Variants in SHISAL1 observed in about 807,000 individuals in gnomAD.
SHISAL1 encodes protein shisa-like-1.
A neutral mutation model predicts 22.6 loss-of-function variants in SHISAL1; 9 were observed. The ratio of observed to expected loss-of-function variants is 0.40; its 90% CI spans 0.24 to 0.70. The LOEUF (loss-of-function observed/expected upper bound fraction) is 0.70. Among genes scored for constraint, SHISAL1 ranks in the 30% least tolerant of loss-of-function variants. The probability of loss-of-function intolerance (pLI) is 0.39; values close to 1 mark genes in which losing one functional copy is unlikely to be tolerated. For missense variants in SHISAL1, 246 were observed against 270.6 expected (o/e 0.91, Z 0.64); for synonymous variants, 119 against 115.4 (o/e 1.03, Z -0.20).
At chr22:44,303,990 C>A (rs889134937) in intron 1 of SHISAL1, among the ~76,000 whole-genome samples, 6 of 152,222 alleles carry the variant, frequency 3.9e-5, no homozygotes, top group African/African-American at 1.4e-4. Flanking sequence ...GTGCAGGGAT[C>A]TGCTGCCAGA....
chr22:44,318,289 G>A, the SHISAL1 span, among the ~76,000 whole-genome samples: 1 of 152,396 alleles, frequency 6.6e-6, no homozygotes, highest in East Asian at 1.9e-4. Flanking sequence ...TGGTATTATG[G>A]AAGTCTAATT....
intron 3 of SHISAL1, among the ~76,000 whole-genome samples, chr22:44,291,645 G>A (rs2055353187): frequency 6.6e-6 from 1 of 152,144 alleles, no homozygotes; most frequent in Non-Finnish European, 1.5e-5. Flanking sequence ...GCCTTTGGGT[G>A]CACTGTTCTG....
chr22:44,314,508 C>G (rs1770862437), upstream of SHISAL1, among the ~76,000 whole-genome samples: 1 of 152,140 alleles, frequency 6.6e-6, no homozygotes, highest in Non-Finnish European at 1.5e-5. Context: ...TCCTTGCGAT[C>G]CACCCTACGA....
Position 44,277,984 on chromosome 22 carries a change from G to A in SHISAL1, c.599+7444C>T, listed in dbSNP as rs2055251732. ...GTCACTTGGTTCCCACACTGGCAGT[G>A]TCCTTGTGATGGTTAATACTGAGTG... On this transcript the variant is annotated intron_variant, in intron 4 of 4. Coordinates refer to ENST00000381176, the MANE Select transcript of SHISAL1 (RefSeq NM_001099294.2). 2.6e-5 allele frequency among the ~76,000 whole-genome samples: 4 copies of A among 152,232 alleles called. No individual in the cohort carries two copies. In the South Asian group the frequency reaches 8.3e-4, roughly 32 times the overall value.
intron 1 of SHISAL1, among the ~76,000 whole-genome samples, chr22:44,302,381 A>G (rs908848235): frequency 6.6e-6 from 1 of 150,682 alleles, no homozygotes; most frequent in Non-Finnish European, 1.5e-5. Context: ...GAGTTAAAGT[A>G]GTAAGTTCTC....
intron 4 of SHISAL1, among the ~76,000 whole-genome samples, chr22:44,262,722 C>T (rs1448474033): frequency 6.6e-6 from 1 of 152,204 alleles, no homozygotes; most frequent in Non-Finnish European, 1.5e-5. Flanking sequence ...CCTGCTGGCC[C>T]TAGTGGCCCT....
chr22:44,304,461 G>T (rs2147306093), intron 1 of SHISAL1, among the ~76,000 whole-genome samples: 1 of 152,312 alleles, frequency 6.6e-6, no homozygotes, highest in Non-Finnish European at 1.5e-5. Context: ...GGACTATCAG[G>T]ATTGTAAAAT....
rs559185251 is a variant in SHISAL1 at position 44,291,848 on chromosome 22, C to T, written c.281+4824G>A. On this transcript the variant is annotated intron_variant, in intron 3 of 4. Coordinates refer to ENST00000381176, the MANE Select transcript of SHISAL1 (RefSeq NM_001099294.2). ...CCCCCACACGGAGGCTTCCACAGAT[C>T]GCCCAGGGACCTGAGTCTGAGTCGC... is the stretch of plus-strand genomic sequence containing the variant. 3.9e-5 allele frequency among the ~76,000 whole-genome samples: 6 copies of T among 152,246 alleles called. No homozygotes were observed. In the South Asian group the frequency reaches 1.0e-3, roughly 26 times the overall value.
chr22:44,311,387 T>A (rs1294150250), intron 1 of SHISAL1, among the ~76,000 whole-genome samples: 1 of 152,186 alleles, frequency 6.6e-6, no homozygotes, highest in Non-Finnish European at 1.5e-5. Flanking sequence ...CCTCCCTCAG[T>A]GGATAACCAT....
At chr22:44,264,439 G>C (rs1208274154) in intron 4 of SHISAL1, among the ~76,000 whole-genome samples, 1 of 152,178 alleles carries the variant, frequency 6.6e-6, no homozygotes, top group Non-Finnish European at 1.5e-5. Flanking sequence ...ATAAATGACA[G>C]AGAGCAGGTG....
chr22:44,259,453 AAAAAT>A (rs1036695548), intron 4 of SHISAL1, among the ~76,000 whole-genome samples: 47 of 145,226 alleles, frequency 3.2e-4, no homozygotes, highest in Non-Finnish European at 6.0e-5. Context: ...AGAATAGAAT[AAAAAT>A]AAAATAAAAA....
intron 1 of SHISAL1, among the ~76,000 whole-genome samples, chr22:44,301,998 G>T (rs913805279): frequency 6.6e-6 from 1 of 152,086 alleles, no homozygotes; most frequent in African/African-American, 2.4e-5. Context: ...GGTGGGGAGG[G>T]TCGCACAACA....
chr22:44,296,198 A>G (rs899361291), intron 3 of SHISAL1, among the ~76,000 whole-genome samples: 1 of 139,002 alleles, frequency 7.2e-6, no homozygotes, highest in African/African-American at 2.8e-5. Context: ...CACTCTTGTC[A>G]CCCAGGCTGG....
At chr22:44,311,063 G>C (rs970539900) in intron 1 of SHISAL1, among the ~76,000 whole-genome samples, 1 of 152,006 alleles carries the variant, frequency 6.6e-6, no homozygotes, top group Non-Finnish European at 1.5e-5. Context: ...CAACTTTTAC[G>C]GCCACCACCG....
In SHISAL1 at chr22:44,245,540, C is replaced by A. The variant is rs1158923088; in HGVS notation, c.*4145G>T. The A allele has an allele frequency of 1.3e-5, 2 of 152,148 alleles. No individual in the cohort carries two copies. The allele number at this position is 152,148 out of a possible 1,614,324, so 9.4% of individuals were successfully genotyped here. On this transcript the variant is annotated 3_prime_UTR_variant, in exon 5 of 5. Transcript: ENST00000381176. ...TTTTACAAGTCTGCACCCCCGGGGA[C>A]CCCGTCTCCTTGAATGGCACAGTCT...
At position 44,296,800 on chromosome 22, in the gene SHISAL1, C is replaced by T. The variant is rs565301340; in HGVS notation, c.153G>A (p.Ser51=). ...AACAGAGGATGAAGGTCTTGTTGTC[C>T]GAGAGCCGGGGGCAGTGGAAGCCAA... ...YHFGFHCPRL[S]DNKTFILCCH... is the part of the protein sequence containing the mutation. The change falls in exon 3 of 5, where the codon TCG becomes TCA. Residue 51 remains serine, a synonymous_variant. Coordinates refer to ENST00000381176, the MANE Select transcript of SHISAL1 (RefSeq NM_001099294.2). The T allele has an allele frequency of 1.3e-5, 21 of 1,613,944 alleles. No homozygotes were observed. The highest frequency in any genetic ancestry group is 1.2e-4 in the African/African-American group (9 of 75,046).
the SHISAL1 span, among the ~76,000 whole-genome samples, chr22:44,321,401 A>G: frequency 2.0e-5 from 3 of 152,090 alleles, no homozygotes; most frequent in East Asian, 5.8e-4. Context: ...CTTGCTTGTC[A>G]ACCTGGTCAT....
At chr22:44,307,073 C>T (rs536859571) in intron 1 of SHISAL1, among the ~76,000 whole-genome samples, 68 of 152,298 alleles carry the variant, frequency 4.5e-4, no homozygotes, top group Admixed American at 9.8e-4. Context: ...CCCTGAGGGG[C>T]CCCACAAATG....
chr22:44,261,098 T>TATAC (rs1459696750), intron 4 of SHISAL1, among the ~76,000 whole-genome samples: 7 of 130,280 alleles, frequency 5.4e-5, no homozygotes, highest in African/African-American at 1.8e-4. Context: ...TATATATATA[T>TATAC]ACACTATATG....
Sources: gnomAD v4.1 joint callset for allele counts (sites outside exome capture counted in the v4.1 genomes callset) on GRCh38, gnomAD v4.1.1 for gene constraint, MANE v1.5 for transcripts, NCBI Gene and HGNC (gene_info 2026-07-23, HGNC 2026-07-21) for gene names.